The following MAPK4 variants were observed in gnomAD, a reference collection of about 807,000 sequenced individuals.
The protein encoded by MAPK4 is mitogen-activated protein kinase 4, also known as Erk3-related.
A neutral mutation model predicts 47.7 loss-of-function variants in MAPK4; 22 were observed. The ratio of observed to expected loss-of-function variants is 0.46; its 90% confidence interval spans 0.33 to 0.66. The LOEUF is 0.66. Among genes scored for constraint, MAPK4 ranks in the 30% least tolerant of loss-of-function variants. The probability of loss-of-function intolerance (pLI) is 0.02; values close to 1 mark genes in which losing one functional copy is unlikely to be tolerated. For missense variants in MAPK4, 736 were observed against 831.7 expected, an observed-to-expected ratio of 0.88 and a Z score of 1.42; for synonymous variants, 390 against 365.7, an observed-to-expected ratio of 1.07 and a Z score of -0.76.
At chr18:50,596,964 A>G (rs1027681810) in intron 1 of MAPK4, among the ~76,000 whole-genome samples, 13 of 152,214 alleles carry the variant, frequency 8.5e-5, no homozygotes, top group African/African-American at 2.9e-4. Context: ...TTTAACCTGT[A>G]GGTAGAATTT....
At position 50,731,265 on chromosome 18, in the gene MAPK4, C is replaced by T. The variant is rs928598997; in HGVS notation, c.*1411C>T. 6.6e-6 allele frequency: 1 copy of T among 152,226 alleles called. No individual in the cohort carries two copies. Among genetic ancestry groups the T allele is most frequent in the Non-Finnish European group, 1.5e-5 (1 of 68,080 alleles). The allele number at this position is 152,226 out of a possible 1,614,324, so 9.4% of individuals were successfully genotyped here. A position where few individuals can be genotyped will look rare whatever the true frequency, so the allele number is the denominator to read the frequency against. ...GGGGTAATGGTGTGTAGACACAGGC[C>T]CTCTGCAGAAGCGTGGGGTGGGGAC... On this transcript the variant is annotated 3_prime_UTR_variant, in exon 6 of 6. Coordinates refer to ENST00000400384, the MANE Select transcript of MAPK4 (RefSeq NM_002747.4).
chr18:50,566,618 C>A (rs368503057), intron 1 of MAPK4, among the ~76,000 whole-genome samples: 1 of 152,180 alleles, frequency 6.6e-6, no homozygotes, highest in Admixed American at 6.5e-5. Flanking sequence ...CTCATTAATT[C>A]GAACTGATTA....
intron 1 of MAPK4, among the ~76,000 whole-genome samples, chr18:50,661,540 C>T (rs1000453496): frequency 6.6e-6 from 1 of 152,090 alleles, no homozygotes; most frequent in African/African-American, 2.4e-5. Flanking sequence ...GAATCAGAAT[C>T]GATGTTTCTC....
At chr18:50,605,241 A>T (rs2042572360) in intron 1 of MAPK4, among the ~76,000 whole-genome samples, 1 of 152,212 alleles carries the variant, frequency 6.6e-6, no homozygotes, top group Admixed American at 6.5e-5. Context: ...TCTCTGGGCC[A>T]TGCTTTTAAC....
intron 1 of MAPK4, among the ~76,000 whole-genome samples, chr18:50,570,630 G>C (rs1392073831): frequency 6.6e-6 from 1 of 152,190 alleles, no homozygotes; most frequent in Non-Finnish European, 1.5e-5. Context: ...TCCAGGCTCA[G>C]GAGTCAAGAC....
At chr18:50,676,787 A>G (rs55643725) in intron 2 of MAPK4, among the ~76,000 whole-genome samples, 2,625 of 152,376 alleles carry the variant, frequency 0.017, 67 homozygotes, top group African/African-American at 0.06. Flanking sequence ...AGAGTTTGCA[A>G]TAACATAGAC....
chr18:50,673,739 C>T (rs1275913116), intron 2 of MAPK4, among the ~76,000 whole-genome samples: 1 of 152,056 alleles, frequency 6.6e-6, no homozygotes. Flanking sequence ...GCCTGTAGTC[C>T]CAGCTACTCG....
At chr18:50,587,514 C>T (rs2042399206) in intron 1 of MAPK4, among the ~76,000 whole-genome samples, 1 of 152,146 alleles carries the variant, frequency 6.6e-6, no homozygotes, top group Non-Finnish European at 1.5e-5. Flanking sequence ...CTCAAAAGGG[C>T]AAGAGTCAGA....
At chr18:50,647,187 A>T (rs753996973) in intron 1 of MAPK4, among the ~76,000 whole-genome samples, 2 of 152,250 alleles carry the variant, frequency 1.3e-5, no homozygotes, top group Non-Finnish European at 2.9e-5. Flanking sequence ...ATGTGTTTTC[A>T]TCTTGATTTT....
intron 1 of MAPK4, among the ~76,000 whole-genome samples, chr18:50,632,691 C>T (rs1295664219): frequency 6.8e-6 from 1 of 147,362 alleles, no homozygotes; most frequent in Non-Finnish European, 1.5e-5. Flanking sequence ...GCAATCTCGG[C>T]TCATTGCAAC....
intron 1 of MAPK4, among the ~76,000 whole-genome samples, chr18:50,575,460 C>T (rs6508008): frequency 0.4 from 61,483 of 152,064 alleles, 13,377 homozygotes; most frequent in Middle Eastern, 0.49. Context: ...TTTAAACATG[C>T]TGAGAACAGA....
chr18:50,584,695 G>A (rs2042374535), intron 1 of MAPK4, among the ~76,000 whole-genome samples: 1 of 152,174 alleles, frequency 6.6e-6, no homozygotes, highest in African/African-American at 2.4e-5. Context: ...GAAGAATCTT[G>A]ACTGTACTTG....
intron 1 of MAPK4, among the ~76,000 whole-genome samples, chr18:50,622,261 A>G (rs561384735): frequency 6.6e-6 from 1 of 152,156 alleles, no homozygotes; most frequent in Admixed American, 6.5e-5. Flanking sequence ...CTTGAAGGGC[A>G]TTTGTTATTC....
intron 3 of MAPK4, among the ~76,000 whole-genome samples, chr18:50,718,969 A>G (rs1910779741): frequency 6.6e-6 from 1 of 151,426 alleles, no homozygotes; most frequent in Admixed American, 6.6e-5. Context: ...CTGTAATCCC[A>G]GCTACTTGGG....
At chr18:50,568,508 C>T (rs910209445) in intron 1 of MAPK4, among the ~76,000 whole-genome samples, 24 of 152,176 alleles carry the variant, frequency 1.6e-4, no homozygotes, top group African/African-American at 4.1e-4. Flanking sequence ...AGTAAAATAA[C>T]GTAACCACAG....
chr18:50,636,587 A>C (rs941770198), intron 1 of MAPK4, among the ~76,000 whole-genome samples: 1 of 152,122 alleles, frequency 6.6e-6, no homozygotes, highest in Non-Finnish European at 1.5e-5. Flanking sequence ...ATTACATAAA[A>C]TGTTCCACAT....
intron 1 of MAPK4, among the ~76,000 whole-genome samples, chr18:50,622,229 G>A (rs949866979): frequency 1.3e-5 from 2 of 152,174 alleles, no homozygotes; most frequent in South Asian, 2.1e-4. Context: ...TCCCTAGGAA[G>A]CAGAGTCTGC....
At chr18:50,600,419 G>A (rs1047377043) in intron 1 of MAPK4, among the ~76,000 whole-genome samples, 3 of 152,174 alleles carry the variant, frequency 2.0e-5, no homozygotes, top group Non-Finnish European at 4.4e-5. Flanking sequence ...CTCAGAAGGG[G>A]CACATGGCCC....
chr18:50,578,639 T>G lies in MAPK4; in HGVS notation c.-871+18396T>G, dbSNP rs1209974836. Among the ~76,000 whole-genome samples the G allele has an allele frequency of 2.6e-5, 4 of 152,210 alleles. No homozygotes were observed. In the East Asian group the frequency reaches 7.7e-4, roughly 29 times the overall value. On this transcript the variant is annotated intron_variant, in intron 1 of 5. Coordinates refer to ENST00000400384, the MANE Select transcript of MAPK4 (RefSeq NM_002747.4). ...GCAAACTATAAGATTGATAGATGGA[T>G]TTTTTGAAAAAATTATGAAACACCT...
Sources: gnomAD v4.1 joint callset for allele counts (sites outside exome capture counted in the v4.1 genomes callset) on GRCh38, gnomAD v4.1.1 for gene constraint, MANE v1.5 for transcripts, NCBI Gene and HGNC (gene_info 2026-07-23, HGNC 2026-07-21) for gene names.